TLN1: variants seen among roughly 807,000 people sequenced by gnomAD.
TLN1 encodes the protein talin-1.
A neutral mutation model predicts 292.3 loss-of-function variants in TLN1; 56 were observed. That is an observed-to-expected ratio of 0.19 (90% confidence interval 0.15 to 0.24). The LOEUF (loss-of-function observed/expected upper bound fraction) is 0.24. Ranked by LOEUF, TLN1 falls within the 10% of genes least tolerant of loss-of-function variation. The probability of loss-of-function intolerance (pLI) is 1.00; values close to 1 mark genes in which losing one functional copy is unlikely to be tolerated. For missense variants in TLN1, 2,433 were observed against 3,248.2 expected (o/e 0.75, Z 6.10); for synonymous variants, 1,119 against 1,253.7 (o/e 0.89, Z 2.27).
chr9:35,725,506 C>T, intron 2 of TLN1, 59 bp downstream of exon 2: 1 of 1,593,310 alleles, frequency 6.3e-7, no homozygotes, highest in Non-Finnish European at 8.6e-7. Context: ...AGGCCGAGAG[C>T]CTGGGAACAA....
rs1825667138 is a variant in TLN1 at position 35,711,492 on chromosome 9, G to T, written c.3880-98C>A. On this transcript the variant is annotated intron_variant, in intron 29 of 56. Transcript: ENST00000314888. The stretch of plus-strand genomic sequence containing the variant: ...AGACACTCAAGTAGTGCTAGAGACT[G>T]GGGAGGGAAGGGAGCCAGGAGCAAG... 4 of 1,603,274 alleles carry T rather than the reference G, an allele frequency of 2.5e-6. No individual in the cohort carries two copies. In the South Asian group the frequency reaches 4.5e-5, roughly 18 times the overall value.
In TLN1 at chr9:35,723,989, G is replaced by T; in HGVS notation, c.745C>A (p.Pro249Thr). 1 of 1,614,086 alleles carries T rather than the reference G, an allele frequency of 6.2e-7. No homozygotes were observed. The highest frequency in any genetic ancestry group is 8.5e-7 in the Non-Finnish European group (1 of 1,179,974). ...GCCTTGTGCTTCTGCTCATTGTGGG[G>T]CCCAAACTGGATCTGGCATTGGAAG... ...AGFQCQIQFG[P>T]HNEQKHKAGF... is the part of the protein sequence containing the mutation. The change falls in exon 7 of 57, where the codon CCC becomes ACC. Residue 249 changes from proline to threonine, a missense_variant. Physicochemically the swap from Pro to Thr is conservative, Grantham distance 38 (BLOSUM62 -1). Coordinates refer to ENST00000314888, the MANE Select transcript of TLN1 (RefSeq NM_006289.4).
intron 33 of TLN1, among the ~76,000 whole-genome samples, chr9:35,709,454 G>A (rs1460659165): frequency 6.6e-6 from 1 of 152,178 alleles, no homozygotes; most frequent in Admixed American, 6.5e-5. Context: ...CTCTTATGAT[G>A]CCAGTTTGTT....
intron 17 of TLN1, among the ~76,000 whole-genome samples, chr9:35,718,457 C>T (rs897392780): frequency 4.6e-5 from 7 of 151,472 alleles, no homozygotes; most frequent in Non-Finnish European, 8.8e-5. Flanking sequence ...TGGCATGGAG[C>T]GGGAAGGGGG....
rs758999142 is a variant in TLN1, at chr9:35,724,776, TGA to T, written c.358+52_358+53del. ...TCCCAGGTACTGCATCCATGCCTTT[TGA>T]GAGAGTTGAGGCTTTCTGGCCCAGG... On this transcript the variant is annotated intron_variant, in intron 4 of 56. Transcript: ENST00000314888. This position sits in a 1 kb window ranked among gnomAD's most constrained non-coding sequence, Gnocchi z 4.7. 83 of 1,613,604 alleles carry T rather than the reference TGA, an allele frequency of 5.1e-5. No individual in the cohort carries two copies. Among genetic ancestry groups the T allele is most frequent in the Non-Finnish European group, 6.8e-5 (80 of 1,179,692 alleles).
In TLN1 at chr9:35,712,890, G is replaced by A. The variant is rs552100458; in HGVS notation, c.3506C>T (p.Ala1169Val). Reference protein sequence around the residue: ...LDKASSLIEEAKKAAGHPGDP... With the variant: ...LDKASSLIEEVKKAAGHPGDP... ...CCCTGGATGGCCAGCTGCCTTTTTC[G>A]CCTCCTCAATGAGGCTGCTGGCCTT... Residue 1169 changes from alanine (A) to valine (V), a missense_variant, in exon 27 of 57, where the codon GCG becomes GTG. Coordinates refer to ENST00000314888, the MANE Select transcript of TLN1 (RefSeq NM_006289.4). The A allele has an allele frequency of 3.1e-5, 49 of 1,600,408 alleles. 1 individual carries two copies. In the South Asian group the frequency reaches 3.6e-4, roughly 12 times the overall value.
chr9:35,724,822 C>A lies in TLN1; in HGVS notation c.358+8G>T. On this transcript the variant is annotated splice_region_variant and intron_variant, in intron 4 of 56. Transcript: ENST00000314888. The surrounding 1 kb of genome is among the most constrained non-coding windows in gnomAD (Gnocchi z 4.7). ...GCCCAGGCTTTCAACTGTACTAGGGCCCCTTACCAATGCGGGCACAGATGG... is the reference window on the plus strand; with the variant it reads ...GCCCAGGCTTTCAACTGTACTAGGGACCCTTACCAATGCGGGCACAGATGG... 1 of 1,614,146 alleles carries A rather than the reference C, an allele frequency of 6.2e-7. No individual in the cohort carries two copies. The highest frequency in any genetic ancestry group is 8.5e-7 in the Non-Finnish European group (1 of 1,180,032).
At chr9:35,713,786 G>A (rs1825722412) in intron 25 of TLN1, among the ~76,000 whole-genome samples, 167 bp downstream of exon 25, 1 of 146,258 alleles carries the variant, frequency 6.8e-6, no homozygotes, top group Non-Finnish European at 1.5e-5. Context: ...GAAGGAAGGA[G>A]AGAGAAAGAG....
chr9:35,713,692 A>G (rs2131895240), intron 25 of TLN1, among the ~76,000 whole-genome samples: 1 of 152,144 alleles, frequency 6.6e-6, no homozygotes, highest in African/African-American at 2.4e-5. Flanking sequence ...AAGAAAGAAA[A>G]AGAAATAAAA....
intron 17 of TLN1, 94 bp downstream of exon 17, chr9:35,718,718 G>A (rs1020192782): frequency 1.8e-5 from 19 of 1,062,588 alleles, no homozygotes; most frequent in South Asian, 2.8e-5. Flanking sequence ...GTTTTTAGGG[G>A]TCAATTCACA....
intron 7 of TLN1, 92 bp downstream of exon 7, chr9:35,723,859 TG>T: frequency 6.4e-7 from 1 of 1,558,760 alleles, no homozygotes; most frequent in Non-Finnish European, 8.7e-7. Flanking sequence ...GAAGAAATAG[TG>T]GGGGGCAGGC....
Position 35,711,729 on chromosome 9 carries a change from G to A in TLN1, c.3745C>T (p.Leu1249=), listed in dbSNP as rs1360432334. ...QSRLNEAAAG[L]NQAATELVQA... is the part of the protein sequence containing the mutation. Reference sequence around the variant, plus strand: ...ACCAGTTCTGTGGCTGCCTGATTCAGCCCAGCAGCAGCTTCATTCAACCGG... The same window carrying A: ...ACCAGTTCTGTGGCTGCCTGATTCAACCCAGCAGCAGCTTCATTCAACCGG... Residue 1249 remains leucine (L), a synonymous_variant, in exon 29 of 57, where the codon CTG becomes TTG. Coordinates refer to ENST00000314888, the MANE Select transcript of TLN1 (RefSeq NM_006289.4). 6 of 1,614,038 alleles carry A rather than the reference G, an allele frequency of 3.7e-6. No individual in the cohort carries two copies. The Admixed American group carries it at 8.3e-5, about 22-fold the overall frequency.
In TLN1 at chr9:35,703,892, T is replaced by C. The variant is rs1563939075; in HGVS notation, c.6240A>G (p.Leu2080=). Residue 2080 remains leucine, a synonymous_variant, in exon 47 of 57, where the codon CTA becomes CTG. Transcript: ENST00000314888. Reference sequence around the variant, plus strand: ...TGGCTACATCTTTCACTGCGTTGATTAGTACCACCTGTGTGGGAAAGCGTT... The same window carrying C: ...TGGCTACATCTTTCACTGCGTTGATCAGTACCACCTGTGTGGGAAAGCGTT... The part of the protein sequence containing the change: ...GAEDPETQVV[L]INAVKDVAKA... 1 of 1,614,040 alleles carries C rather than the reference T, an allele frequency of 6.2e-7. No homozygotes were observed. Among genetic ancestry groups the C allele is most frequent in the Admixed American group, 1.7e-5 (1 of 60,008 alleles).
At chr9:35,713,410 G>T in intron 25 of TLN1, 112 bp from the exon 26 acceptor site, 1 of 807,762 alleles carries the variant, frequency 1.2e-6, no homozygotes, top group Non-Finnish European at 1.9e-6. Flanking sequence ...TGGGCTGGGT[G>T]CGATGGCTCC....
chr9:35,699,832 G>A lies in TLN1; in HGVS notation c.6768+142C>T, dbSNP rs1825431517. On this transcript the variant is annotated intron_variant, in intron 50 of 56. Transcript: ENST00000314888. The surrounding 1 kb of genome is among the most constrained non-coding windows in gnomAD (Gnocchi z 4.0). ...TGGGGCCTGGGAGAAAGGGAGACTT[G>A]GAAAGGAGAACAGATTTGGGAAGTA... 2 of 1,090,076 alleles carry A rather than the reference G, an allele frequency of 1.8e-6. No homozygotes were observed. Among genetic ancestry groups the A allele is most frequent in the Non-Finnish European group, 2.5e-6 (2 of 791,454 alleles). 67.5% of individuals were successfully genotyped at this position (1,090,076 alleles called of 1,614,324 possible).
At chr9:35,722,740 A>C (rs1825898862) in intron 8 of TLN1, 121 bp downstream of exon 8, 10 of 947,732 alleles carry the variant, frequency 1.1e-5, no homozygotes, top group Non-Finnish European at 1.7e-5. Flanking sequence ...GTGGGATAAC[A>C]GCCCGGTGGG....
Position 35,710,619 on chromosome 9 carries a change from C to G in TLN1, c.4268G>C (p.Gly1423Ala). The change falls in exon 33 of 57, where the codon GGA becomes GCA. Residue 1423 changes from glycine (G) to alanine (A), a missense_variant. This residue lies in a region of TLN1 where 1,384 missense variants were observed against 1,699.6 expected (regional missense o/e 0.81). Coordinates refer to ENST00000314888, the MANE Select transcript of TLN1 (RefSeq NM_006289.4). ...NAKNGNLPEF[G>A]DAISTASKAL... The stretch of plus-strand genomic sequence containing the variant: ...CTTTGAGGCTGTGGAAATGGCATCT[C>G]CAAACTCTGGCAGGTTTCCGTTCTT... 6.2e-7 allele frequency: 1 copy of G among 1,614,218 alleles called. No individual in the cohort carries two copies. The highest frequency in any genetic ancestry group is 8.5e-7 in the Non-Finnish European group (1 of 1,180,052).
At chr9:35,712,562 C>A (rs1352330968) in intron 27 of TLN1, among the ~76,000 whole-genome samples, 1 of 150,664 alleles carries the variant, frequency 6.6e-6, no homozygotes, top group African/African-American at 2.4e-5. Context: ...GCAGGAGAAT[C>A]ACTTGAACCC....
chr9:35,707,110 A>T lies in TLN1; in HGVS notation c.4917T>A (p.Thr1639=). ...TTAGCTTCTTGATGGAGTCTGAGACAGTACGGGAGTGGCCGGCCAGCACCG... is the reference window on the plus strand; with the variant it reads ...TTAGCTTCTTGATGGAGTCTGAGACTGTACGGGAGTGGCCGGCCAGCACCG... ...SWSVLAGHSR[T]VSDSIKKLIT... is the part of the protein sequence containing the mutation. Residue 1639 remains threonine, a synonymous_variant, in exon 37 of 57, where the codon ACT becomes ACA. Coordinates refer to ENST00000314888, the MANE Select transcript of TLN1 (RefSeq NM_006289.4). The surrounding 1 kb of genome is among the most constrained non-coding windows in gnomAD (Gnocchi z 5.6). The T allele has an allele frequency of 1.9e-6, 3 of 1,612,544 alleles. No homozygotes were observed. In the African/African-American group the frequency reaches 4.0e-5, roughly 22 times the overall value.
Sources: gnomAD v4.1 joint callset for allele counts (sites outside exome capture counted in the v4.1 genomes callset) on GRCh38, gnomAD v4.1.1 for gene constraint, gnomAD v4.1.1 regional missense constraint, Gnocchi (gnomAD v3.1) non-coding constraint, MANE v1.5 for transcripts, NCBI Gene and HGNC (gene_info 2026-07-23, HGNC 2026-07-21) for gene names.